The following AKAP19 variants were observed in gnomAD, a reference collection of about 807,000 sequenced individuals.
The protein encoded by AKAP19 is A-kinase anchoring protein 19, also known as small A-kinase anchoring protein.
the AKAP19 span, among the ~76,000 whole-genome samples, chr2:190,163,583 G>A: frequency 6.6e-6 from 1 of 152,026 alleles, no homozygotes; most frequent in Admixed American, 6.6e-5. Context: ...CATATCTTGA[G>A]TTCCCACTAA....
At chr2:190,138,975 G>A in the AKAP19 span, among the ~76,000 whole-genome samples, 2,492 of 152,262 alleles carry the variant, frequency 0.016, 56 homozygotes, top group African/African-American at 0.057. Flanking sequence ...TTGTTATGAG[G>A]ATTAAATTTA....
At chr2:189,945,600 T>C in the AKAP19 span, among the ~76,000 whole-genome samples, 1 of 152,242 alleles carries the variant, frequency 6.6e-6, no homozygotes, top group Non-Finnish European at 1.5e-5. Flanking sequence ...GTTTCTTGTT[T>C]TAAAATTATA....
chr2:189,955,137 T>A, the AKAP19 span, among the ~76,000 whole-genome samples: 1 of 152,142 alleles, frequency 6.6e-6, no homozygotes, highest in Non-Finnish European at 1.5e-5. Context: ...GTTCATTATT[T>A]ACTCTGTATG....
chr2:190,048,103 GA>G, the AKAP19 span, among the ~76,000 whole-genome samples: 1 of 152,010 alleles, frequency 6.6e-6, no homozygotes, highest in Admixed American at 6.6e-5. Context: ...GCATTTATCT[GA>G]TTTGATTATG....
the AKAP19 span, among the ~76,000 whole-genome samples, chr2:190,173,552 T>C: frequency 6.6e-6 from 1 of 152,224 alleles, no homozygotes; most frequent in East Asian, 1.9e-4. Flanking sequence ...CCTAAAATGA[T>C]AGAATCTTGG....
At chr2:190,015,864 C>T in the AKAP19 span, among the ~76,000 whole-genome samples, 1 of 152,148 alleles carries the variant, frequency 6.6e-6, no homozygotes, top group Non-Finnish European at 1.5e-5. Flanking sequence ...TTGAAAGTTC[C>T]ACAGATCTCT....
At chr2:189,920,478 A>G in the AKAP19 span, among the ~76,000 whole-genome samples, 1 of 152,224 alleles carries the variant, frequency 6.6e-6, no homozygotes, top group South Asian at 2.1e-4. Flanking sequence ...AAGCAAGGCT[A>G]AGAAGTGCAG....
At chr2:189,983,159 C>T in the AKAP19 span, among the ~76,000 whole-genome samples, 110 of 152,284 alleles carry the variant, frequency 7.2e-4, 1 homozygote, top group African/African-American at 2.5e-3. Context: ...GGAACCTAAT[C>T]TGCTTCCTTA....
At chr2:190,054,176 G>C in the AKAP19 span, among the ~76,000 whole-genome samples, 7 of 151,752 alleles carry the variant, frequency 4.6e-5, no homozygotes, top group Non-Finnish European at 1.0e-4. Context: ...CAATGCATTT[G>C]GAAATTGAAC....
At chr2:190,007,853 T>C in the AKAP19 span, among the ~76,000 whole-genome samples, 1 of 152,026 alleles carries the variant, frequency 6.6e-6, no homozygotes, top group Non-Finnish European at 1.5e-5. Context: ...TCCCAGCTAC[T>C]TGGGAGGCTG....
At chr2:189,954,355 A>AAAGATCAGAACATATGAT in the AKAP19 span, among the ~76,000 whole-genome samples, 2 of 152,226 alleles carry the variant, frequency 1.3e-5, no homozygotes, top group South Asian at 2.1e-4. Flanking sequence ...TTGCAAATGA[A>AAAGATCAGAACATATGAT]AAGATCAGAA....
chr2:190,136,214 T>C, the AKAP19 span, among the ~76,000 whole-genome samples: 1 of 152,202 alleles, frequency 6.6e-6, no homozygotes, highest in Non-Finnish European at 1.5e-5. Flanking sequence ...GAGCTAAGAT[T>C]GAATCCTCTT....
the AKAP19 span, among the ~76,000 whole-genome samples, chr2:190,088,977 TTTAG>T: frequency 6.6e-6 from 1 of 152,176 alleles, no homozygotes; most frequent in East Asian, 1.9e-4. Context: ...CTATGAAAAT[TTTAG>T]TTATTCTCAT....
chr2:189,880,247 T>C, the AKAP19 span, among the ~76,000 whole-genome samples: 7 of 152,300 alleles, frequency 4.6e-5, no homozygotes, highest in Middle Eastern at 3.4e-3. Context: ...TCCTCCAGCA[T>C]TTTTTGGTGG....
At chr2:190,118,669 C>A in the AKAP19 span, among the ~76,000 whole-genome samples, 5 of 152,144 alleles carry the variant, frequency 3.3e-5, no homozygotes, top group Non-Finnish European at 5.9e-5. Flanking sequence ...ATTCAACAGC[C>A]CTTCATGCTA....
At chr2:190,072,496 T>C in the AKAP19 span, among the ~76,000 whole-genome samples, 16 of 152,334 alleles carry the variant, frequency 1.1e-4, no homozygotes, top group African/African-American at 3.6e-4. Flanking sequence ...GGATATAAAG[T>C]ATTTGAACAA....
At chr2:190,070,830 A>T in the AKAP19 span, among the ~76,000 whole-genome samples, 2 of 152,324 alleles carry the variant, frequency 1.3e-5, no homozygotes, top group African/African-American at 2.4e-5. Context: ...ATCTGATGGG[A>T]AGAACTGGTA....
chr2:190,028,286 A>C, the AKAP19 span, among the ~76,000 whole-genome samples: 6 of 152,160 alleles, frequency 3.9e-5, no homozygotes, highest in African/African-American at 1.4e-4. Context: ...AGAAAAATGA[A>C]GAAATGATTA....
chr2:190,141,866 A>T, the AKAP19 span, among the ~76,000 whole-genome samples: 3 of 152,218 alleles, frequency 2.0e-5, no homozygotes, highest in Non-Finnish European at 4.4e-5. Context: ...TCAAGCTGAA[A>T]TCTTTCTCCT....
Sources: allele counts gnomAD v4.1 joint callset (sites outside exome capture counted in the v4.1 genomes callset), GRCh38; gene constraint gnomAD v4.1.1; transcripts MANE v1.5; gene names NCBI Gene and HGNC (gene_info 2026-07-23, HGNC 2026-07-21).